TLCD4: variants seen among roughly 807,000 people sequenced by gnomAD.
TLCD4 encodes TLC domain-containing protein 4.
In TLCD4, 7 loss-of-function variants were observed where a neutral mutation model predicts 24.2. The observed-to-expected ratio is 0.29, with a 90% CI of 0.16 to 0.54. The LOEUF is 0.54. Among genes scored for constraint, TLCD4 ranks in the 20% least tolerant of loss-of-function variants. TLCD4 has a pLI of 0.95. For synonymous variants in TLCD4, 103 were observed against 106.4 expected (o/e 0.97, Z 0.20); for missense variants, 259 against 313.9 (o/e 0.82, Z 1.32).
chr1:95,154,871 G>A (rs1387362530), intron 5 of TLCD4, among the ~76,000 whole-genome samples: 1 of 147,940 alleles, frequency 6.8e-6, no homozygotes, highest in Non-Finnish European at 1.5e-5. Flanking sequence ...CAATTGAAAT[G>A]TGCTTGAGAC....
the TLCD4 span, among the ~76,000 whole-genome samples, chr1:95,092,717 T>C: frequency 6.6e-6 from 1 of 152,152 alleles, no homozygotes; most frequent in Non-Finnish European, 1.5e-5. Context: ...ACGCGCCACC[T>C]TAAGAGCTGT....
intron 6 of TLCD4, among the ~76,000 whole-genome samples, chr1:95,174,784 T>G (rs557401741): frequency 3.3e-5 from 5 of 152,230 alleles, no homozygotes; most frequent in African/African-American, 1.2e-4. Flanking sequence ...AGTGAATTAT[T>G]ATTATTTTTG....
the TLCD4 span, among the ~76,000 whole-genome samples, chr1:95,107,434 C>CA: frequency 5.9e-5 from 9 of 151,754 alleles, no homozygotes; most frequent in African/African-American, 1.7e-4. Context: ...AACAAACAAA[C>CA]AAAAAAAATT....
chr1:95,178,787 A>AT (rs1332225645), intron 6 of TLCD4, among the ~76,000 whole-genome samples: 3 of 152,120 alleles, frequency 2.0e-5, no homozygotes, highest in Non-Finnish European at 4.4e-5. Flanking sequence ...AAAAGAACAT[A>AT]TTTAATATTA....
intron 1 of TLCD4, chr1:95,118,073 A>G (rs553028552): frequency 2.0e-4 from 31 of 152,328 alleles, no homozygotes; most frequent in African/African-American, 7.5e-4. Flanking sequence ...GCCCACACAC[A>G]ATCGGGCGCA....
chr1:95,119,678 T>A (rs945264413), intron 1 of TLCD4, among the ~76,000 whole-genome samples: 4 of 152,198 alleles, frequency 2.6e-5, no homozygotes, highest in Admixed American at 6.5e-5. Flanking sequence ...TTTTCAGACC[T>A]GTTTACTCTC....
intron 5 of TLCD4, among the ~76,000 whole-genome samples, chr1:95,158,652 T>TC (rs1283911624): frequency 1.5e-5 from 2 of 136,108 alleles, no homozygotes; most frequent in African/African-American, 5.4e-5. Flanking sequence ...ATGCTGTCCG[T>TC]CCCCCCTCCC....
At chr1:95,151,174 A>C (rs2100947596) in intron 4 of TLCD4, 151 bp from the exon 5 acceptor site, 2 of 757,404 alleles carry the variant, frequency 2.6e-6, no homozygotes, top group East Asian at 5.6e-5. Context: ...TTTTATGGTA[A>C]AGTAGATAAT....
chr1:95,093,956 A>C, the TLCD4 span, among the ~76,000 whole-genome samples: 2 of 152,104 alleles, frequency 1.3e-5, no homozygotes, highest in African/African-American at 4.8e-5. Context: ...TGTTTTTCTC[A>C]TTAAGAGATG....
intron 1 of TLCD4, among the ~76,000 whole-genome samples, chr1:95,122,253 G>A (rs1402734515): frequency 6.6e-6 from 1 of 152,110 alleles, no homozygotes; most frequent in African/African-American, 2.4e-5. Flanking sequence ...CCAGCTATTC[G>A]GGAGGCTGAG....
chr1:95,191,825 AAG>A lies in TLCD4; in HGVS notation c.753_754del (p.Lys252SerfsTer4). On this transcript the variant is annotated frameshift_variant, in exon 7 of 7. Transcript: ENST00000370203. LOFTEE classifies it high-confidence loss of function. ...ATCAAAGTCATCTCTCACATCAGAC[AAG>A]AGAAAGCCAAAAATAGTCTTCAGAA... The A allele has an allele frequency of 6.2e-7, 1 of 1,614,156 alleles. No homozygotes were observed. Among genetic ancestry groups the A allele is most frequent in the East Asian group, 2.2e-5 (1 of 44,864 alleles).
chr1:95,115,105 T>TATAA (rs1557673704), upstream of TLCD4, among the ~76,000 whole-genome samples: 3 of 143,816 alleles, frequency 2.1e-5, no homozygotes, highest in East Asian at 5.9e-4. Context: ...TATATATATA[T>TATAA]AATATATATG....
At chr1:95,108,612 C>T in the TLCD4 span, among the ~76,000 whole-genome samples, 1 of 152,202 alleles carries the variant, frequency 6.6e-6, no homozygotes, top group Non-Finnish European at 1.5e-5. Context: ...GTGTGAGCCA[C>T]CATCCCTGGC....
chr1:95,162,941 C>A (rs991180379), intron 5 of TLCD4, among the ~76,000 whole-genome samples: 2 of 152,146 alleles, frequency 1.3e-5, no homozygotes, highest in African/African-American at 4.8e-5. Flanking sequence ...AACATTTTTT[C>A]CTTCATTTCA....
chr1:95,126,843 C>T (rs891212889), intron 1 of TLCD4, among the ~76,000 whole-genome samples: 8 of 152,190 alleles, frequency 5.3e-5, no homozygotes, highest in African/African-American at 1.9e-4. Flanking sequence ...ATCAAAGCCT[C>T]TCTTCTGTTG....
intron 6 of TLCD4, among the ~76,000 whole-genome samples, chr1:95,181,767 A>AC (rs1326002001): frequency 2.0e-5 from 3 of 151,362 alleles, no homozygotes; most frequent in Admixed American, 6.6e-5. Context: ...TGGGATTACT[A>AC]TGCCACCACG....
the TLCD4 span, among the ~76,000 whole-genome samples, chr1:95,095,137 A>G: frequency 1.3e-5 from 2 of 152,248 alleles, no homozygotes; most frequent in Non-Finnish European, 2.9e-5. Context: ...TATGCTTAAT[A>G]AATGTCATGA....
chr1:95,134,290 TGATTGGGA>T (rs1292882215), intron 1 of TLCD4, among the ~76,000 whole-genome samples: 1 of 151,662 alleles, frequency 6.6e-6, no homozygotes, highest in Non-Finnish European at 1.5e-5. Flanking sequence ...TAAGCAAAAG[TGATTGGGA>T]GATTAGAATA....
At chr1:95,184,495 T>G (rs1219446546) in intron 6 of TLCD4, among the ~76,000 whole-genome samples, 1 of 152,190 alleles carries the variant, frequency 6.6e-6, no homozygotes, top group Admixed American at 6.5e-5. Context: ...CACAATTAAC[T>G]CCCAGTAAAC....
Sources: allele counts gnomAD v4.1 joint callset (sites outside exome capture counted in the v4.1 genomes callset), GRCh38; gene constraint gnomAD v4.1.1; transcripts MANE v1.5; gene names NCBI Gene and HGNC (gene_info 2026-07-23, HGNC 2026-07-21).